Variants in MICAL2 observed in about 807,000 individuals in gnomAD.
MICAL2 encodes the protein microtubule associated monooxygenase, calponin and LIM domain containing 2.
Under a neutral mutation model 127.3 loss-of-function variants are expected in MICAL2, and 77 were observed. The observed-to-expected ratio is 0.60, with a 90% CI of 0.50 to 0.73. The LOEUF is 0.73. Ranked by LOEUF, MICAL2 falls within the 30% of genes least tolerant of loss-of-function variation. MICAL2 has a pLI of 0.00. For missense variants in MICAL2, 1,351 were observed against 1,434.4 expected (o/e 0.94, Z 0.94); for synonymous variants, 570 against 551.1 (o/e 1.03, Z -0.48).
At chr11:12,220,914 C>A (rs1204139918) in intron 9 of MICAL2, among the ~76,000 whole-genome samples, 1 of 152,260 alleles carries the variant, frequency 6.6e-6, no homozygotes, top group Non-Finnish European at 1.5e-5. Flanking sequence ...CCCAGAAAAT[C>A]TGCAAGGGTG....
intron 16 of MICAL2, among the ~76,000 whole-genome samples, chr11:12,237,573 G>T (rs2099356728): frequency 6.6e-6 from 1 of 152,194 alleles, no homozygotes; most frequent in Admixed American, 6.5e-5. Context: ...GGGTATGTGA[G>T]TGTTGTTTCT....
intron 2 of MICAL2, among the ~76,000 whole-genome samples, chr11:12,160,477 G>A (rs969981438): frequency 2.6e-5 from 4 of 152,080 alleles, no homozygotes; most frequent in Non-Finnish European, 5.9e-5. Context: ...GCCACCACGT[G>A]CGCTGGACAT....
chr11:12,231,780 G>T (rs1858308443), intron 15 of MICAL2, among the ~76,000 whole-genome samples: 1 of 152,212 alleles, frequency 6.6e-6, no homozygotes, highest in Non-Finnish European at 1.5e-5. Flanking sequence ...GGAGTCAAGA[G>T]TGCCGCTTTC....
intron 15 of MICAL2, among the ~76,000 whole-genome samples, chr11:12,234,179 T>C (rs1009196663): frequency 6.6e-6 from 1 of 152,146 alleles, no homozygotes; most frequent in African/African-American, 2.4e-5. Flanking sequence ...ATGGCTAATA[T>C]GGCTGTCTTC....
intron 2 of MICAL2, chr11:12,281,170 C>T: frequency 2.5e-6 from 1 of 398,766 alleles, no homozygotes; most frequent in Non-Finnish European, 4.4e-6. Context: ...AGCTGAATTT[C>T]CCTCTTGGAG....
chr11:12,205,975 A>C (rs543909813), intron 4 of MICAL2, among the ~76,000 whole-genome samples: 1 of 152,324 alleles, frequency 6.6e-6, no homozygotes, highest in Non-Finnish European at 1.5e-5. Context: ...GGAGAGAATT[A>C]TCAGTCACAT....
At position 12,110,996 on chromosome 11, in the gene MICAL2, T is replaced by C. The variant is rs72862658; in HGVS notation, c.-149+270T>C. Among the ~76,000 whole-genome samples, 2,414 of 152,206 alleles carry C rather than the reference T, an allele frequency of 0.016. 36 individuals carry two copies. The highest frequency in any genetic ancestry group is 0.025 in the Non-Finnish European group (1,702 of 68,002). ...CACGCCGAACTACCTCTTACTCCGC[T>C]CCGCAACACCCAAACCCTGCAGTTC... On this transcript the variant is annotated intron_variant, in intron 1 of 27. Coordinates refer to ENST00000683283, the MANE Select transcript of MICAL2 (RefSeq NM_001282663.2). This position sits in a 1 kb window ranked among gnomAD's most constrained non-coding sequence, Gnocchi z 4.5.
chr11:12,227,760 G>T (rs900346154), intron 15 of MICAL2, among the ~76,000 whole-genome samples: 2 of 152,116 alleles, frequency 1.3e-5, no homozygotes, highest in African/African-American at 4.8e-5. Flanking sequence ...TTCATGGTGG[G>T]CCTATACCAA....
chr11:12,301,047 C>T (rs55732156), intron 29 of MICAL2, among the ~76,000 whole-genome samples: 2,297 of 152,162 alleles, frequency 0.015, 50 homozygotes, highest in African/African-American at 0.051. Context: ...AGAATCATGG[C>T]GGGAGGCAAA....
chr11:12,239,577 A>G lies in MICAL2; in HGVS notation c.2206A>G (p.Met736Val). 1 of 1,614,106 alleles carries G rather than the reference A, an allele frequency of 6.2e-7. No individual in the cohort carries two copies. Among genetic ancestry groups the G allele is most frequent in the Middle Eastern group, 1.6e-4 (1 of 6,062 alleles). ...GGAGAGCACTCGGAACCCCTCACTC[A>G]TGAAGCAGGTGAGTCATGTCAAATA... ...FEESTRNPSL[M>V]KQERRVSGIG... is the part of the protein sequence containing the mutation. The change falls in exon 17 of 28, where the codon ATG (methionine) becomes GTG (valine). Residue 736 changes from methionine to valine, a missense_variant. Around this residue, in one of 2 missense-constraint regions of MICAL2, gnomAD observed 752 missense variants for 719.4 expected, o/e 1.05. Transcript: ENST00000683283.
At chr11:12,209,656 TG>T in intron 6 of MICAL2, 58 bp downstream of exon 6, 2 of 1,466,024 alleles carry the variant, frequency 1.4e-6, no homozygotes, top group Non-Finnish European at 1.9e-6. Flanking sequence ...GAGGGTACAT[TG>T]GGGAAGAGTT....
chr11:12,216,380 T>A, intron 8 of MICAL2, 61 bp downstream of exon 8: 1 of 1,301,906 alleles, frequency 7.7e-7, no homozygotes, highest in Non-Finnish European at 1.1e-6. Context: ...CATCAGCAGG[T>A]GTGAAGGCAG....
At chr11:12,142,336 T>A (rs1404696843) in intron 2 of MICAL2, among the ~76,000 whole-genome samples, 1 of 152,236 alleles carries the variant, frequency 6.6e-6, no homozygotes, top group Non-Finnish European at 1.5e-5. Context: ...TATTCTGTTT[T>A]ATGATGTGTC....
chr11:12,124,210 G>C (rs969151058), intron 1 of MICAL2, among the ~76,000 whole-genome samples: 1 of 152,062 alleles, frequency 6.6e-6, no homozygotes, highest in South Asian at 2.1e-4. Context: ...TCCTATTTAA[G>C]TATGCCTTCC....
chr11:12,239,704 T>C, intron 17 of MICAL2, 119 bp downstream of exon 17: 1 of 1,217,360 alleles, frequency 8.2e-7, no homozygotes, highest in East Asian at 2.5e-5. Context: ...AGACTTGAGC[T>C]CCTTCTAGAT....
chr11:12,348,153 C>CAA (rs57602704), intron 32 of MICAL2, among the ~76,000 whole-genome samples: 34,283 of 78,952 alleles, frequency 0.43, 7,826 homozygotes, highest in Non-Finnish European at 0.55. Context: ...GACTCTGTCT[C>CAA]AAAAAAAAAA....
At chr11:12,337,107 A>G (rs1938777578) in intron 32 of MICAL2, among the ~76,000 whole-genome samples, 1 of 152,168 alleles carries the variant, frequency 6.6e-6, no homozygotes, top group Non-Finnish European at 1.5e-5. Context: ...TTGGTAAGCT[A>G]TTAATTATTG....
At chr11:12,121,958 T>C (rs1589978740) in intron 1 of MICAL2, among the ~76,000 whole-genome samples, 1 of 152,238 alleles carries the variant, frequency 6.6e-6, no homozygotes, top group Admixed American at 6.5e-5. Flanking sequence ...GCTTGCTTTC[T>C]TTTTTCTCCT....
intron 3 of MICAL2, among the ~76,000 whole-genome samples, chr11:12,194,613 T>C (rs1178292985): frequency 6.6e-6 from 1 of 152,190 alleles, no homozygotes; most frequent in Non-Finnish European, 1.5e-5. Context: ...AAGCCTCCCC[T>C]CTTTCTCCTA....
Sources: gnomAD v4.1 joint callset for allele counts (sites outside exome capture counted in the v4.1 genomes callset) on GRCh38, gnomAD v4.1.1 for gene constraint, gnomAD v4.1.1 regional missense constraint, Gnocchi (gnomAD v3.1) non-coding constraint, MANE v1.5 for transcripts, NCBI Gene and HGNC (gene_info 2026-07-23, HGNC 2026-07-21) for gene names.